The following FBXL17 variants were observed in gnomAD, a reference collection of about 807,000 sequenced individuals.
FBXL17 encodes F-box and leucine rich repeat protein 17.
A neutral mutation model predicts 66.2 loss-of-function variants in FBXL17; 22 were observed. That is an observed-to-expected ratio of 0.33 (90% CI 0.24 to 0.47). FBXL17 has a LOEUF of 0.47. Ranked by LOEUF, FBXL17 falls within the 20% of genes least tolerant of loss-of-function variation. FBXL17 has a pLI of 1.00. For synonymous variants in FBXL17, 474 were observed against 400.5 expected, an observed-to-expected ratio of 1.18 and a Z score of -2.19; for missense variants, 878 against 948.2, an observed-to-expected ratio of 0.93 and a Z score of 0.97.
intron 6 of FBXL17, among the ~76,000 whole-genome samples, chr5:108,047,983 C>T (rs191853500): frequency 1.1e-3 from 166 of 152,316 alleles, no homozygotes; most frequent in African/African-American, 3.9e-3. Context: ...CCATGCCACC[C>T]AACTGGGTGA....
intron 6 of FBXL17, among the ~76,000 whole-genome samples, chr5:108,097,225 T>C (rs980544916): frequency 2.6e-5 from 4 of 152,190 alleles, no homozygotes; most frequent in Non-Finnish European, 5.9e-5. Flanking sequence ...ATGTGCCTGC[T>C]TCACCCTCCC....
chr5:108,278,869 C>G (rs1189711202), intron 4 of FBXL17, among the ~76,000 whole-genome samples: 1 of 152,316 alleles, frequency 6.6e-6, no homozygotes, highest in African/African-American at 2.4e-5. Context: ...CTTGACCAGT[C>G]CAGATGTGCC....
chr5:108,365,561 A>C (rs1360563988), intron 2 of FBXL17, among the ~76,000 whole-genome samples: 1 of 152,108 alleles, frequency 6.6e-6, no homozygotes, highest in Admixed American at 6.6e-5. Flanking sequence ...TTTATAATAA[A>C]CCCATAAATA....
chr5:108,235,988 C>T (rs1389369845), intron 4 of FBXL17, among the ~76,000 whole-genome samples: 1 of 151,410 alleles, frequency 6.6e-6, no homozygotes, highest in Non-Finnish European at 1.5e-5. Context: ...CTTCACAAAG[C>T]TAAGGAGAGA....
intron 6 of FBXL17, among the ~76,000 whole-genome samples, chr5:108,087,269 T>G (rs1176592936): frequency 1.3e-5 from 2 of 152,182 alleles, no homozygotes; most frequent in African/African-American, 4.8e-5. Context: ...ACTCAATTAC[T>G]TGGAAGATTA....
chr5:107,979,700 C>A (rs1752731751), intron 7 of FBXL17, among the ~76,000 whole-genome samples: 1 of 152,088 alleles, frequency 6.6e-6, no homozygotes, highest in Non-Finnish European at 1.5e-5. Flanking sequence ...TGGTAAGGAC[C>A]ATTTCTATTA....
intron 7 of FBXL17, among the ~76,000 whole-genome samples, chr5:107,950,412 A>G (rs1157312584): frequency 6.6e-6 from 1 of 152,230 alleles, no homozygotes; most frequent in Non-Finnish European, 1.5e-5. Context: ...AATATTCTGA[A>G]TATAGAATAA....
chr5:107,930,275 C>T (rs10077567), intron 7 of FBXL17, among the ~76,000 whole-genome samples: 21,248 of 152,124 alleles, frequency 0.14, 1,685 homozygotes, highest in African/African-American at 0.21. Context: ...GTTCATCTTC[C>T]ATCATTTCCT....
In FBXL17 at chr5:108,373,261, AAT is replaced by A. The variant is rs1256101029; in HGVS notation, c.994-5310_994-5309del. ...ATATATATCTAAATATATTAATATA[AAT>A]ATAATATATATCTAAATATATTAAT... On this transcript the variant is annotated intron_variant, in intron 1 of 8. Transcript: ENST00000542267. 2.1e-5 allele frequency among the ~76,000 whole-genome samples: 3 copies of A among 145,582 alleles called. 1 individual carries two copies. Among genetic ancestry groups the A allele is most frequent in the African/African-American group, 7.5e-5 (3 of 40,226 alleles).
intron 6 of FBXL17, among the ~76,000 whole-genome samples, chr5:108,106,833 T>C (rs1023829731): frequency 1.3e-5 from 2 of 152,104 alleles, no homozygotes; most frequent in Non-Finnish European, 2.9e-5. Context: ...GTAGCAATAG[T>C]GAATACACTA....
intron 4 of FBXL17, among the ~76,000 whole-genome samples, chr5:108,242,058 C>T (rs1487752618): frequency 6.6e-6 from 1 of 152,044 alleles, no homozygotes; most frequent in Non-Finnish European, 1.5e-5. Flanking sequence ...TGTTAATGAG[C>T]AAGAATACAT....
chr5:108,298,586 A>T, intron 4 of FBXL17: 1 of 950,026 alleles, frequency 1.1e-6, no homozygotes, highest in Non-Finnish European at 1.3e-6. Flanking sequence ...ACAATGTTGT[A>T]ACTGTAAAAA....
chr5:108,210,233 C>T (rs1754307563), intron 5 of FBXL17, among the ~76,000 whole-genome samples: 1 of 151,954 alleles, frequency 6.6e-6, no homozygotes, highest in African/African-American at 2.4e-5. Flanking sequence ...TGTGGTCTAT[C>T]TATTTTGTTG....
At chr5:108,191,753 C>G (rs1753479563) in intron 5 of FBXL17, among the ~76,000 whole-genome samples, 1 of 152,196 alleles carries the variant, frequency 6.6e-6, no homozygotes. Flanking sequence ...CACTGGGATA[C>G]TTGTGACTCT....
intron 6 of FBXL17, among the ~76,000 whole-genome samples, chr5:108,147,052 G>C (rs1310988208): frequency 6.6e-6 from 1 of 152,100 alleles, no homozygotes. Flanking sequence ...AGGGGACAGG[G>C]GCATTCACTT....
At chr5:108,375,181 C>T (rs1282458743) in intron 1 of FBXL17, among the ~76,000 whole-genome samples, 2 of 152,142 alleles carry the variant, frequency 1.3e-5, no homozygotes, top group African/African-American at 4.8e-5. Flanking sequence ...TAGCAAGACC[C>T]TGTCTCTACA....
At chr5:107,939,455 G>A (rs1400750549) in intron 7 of FBXL17, among the ~76,000 whole-genome samples, 2 of 151,720 alleles carry the variant, frequency 1.3e-5, no homozygotes, top group Admixed American at 6.6e-5. Flanking sequence ...CCACAGATTC[G>A]GGCCACGGGT....
intron 6 of FBXL17, among the ~76,000 whole-genome samples, chr5:108,052,112 C>CAAAAAAAAAAAAAAA (rs144705189): frequency 4.7e-4 from 48 of 102,152 alleles, no homozygotes; most frequent in East Asian, 8.8e-4. Context: ...GACTTCGTCT[C>CAAAAAAAAAAAAAAA]AAAAAAAAAA....
chr5:107,999,281 A>G (rs925794401), intron 7 of FBXL17, among the ~76,000 whole-genome samples: 1 of 152,178 alleles, frequency 6.6e-6, no homozygotes, highest in Non-Finnish European at 1.5e-5. Flanking sequence ...GGTCTTCGAC[A>G]AATACCTGTT....
Sources: allele counts gnomAD v4.1 joint callset (sites outside exome capture counted in the v4.1 genomes callset), GRCh38; gene constraint gnomAD v4.1.1; transcripts MANE v1.5; gene names NCBI Gene and HGNC (gene_info 2026-07-23, HGNC 2026-07-21).